ROR1: variants seen among roughly 807,000 people sequenced by gnomAD.
ROR1 encodes the protein ROR family WNT receptor 1, also known as inactive tyrosine-protein kinase transmembrane receptor ROR1.
ROR1 carries 19 observed loss-of-function variants against 78.8 expected under a neutral mutation model. The observed-to-expected ratio is 0.24, with a 90% CI of 0.17 to 0.35. The LOEUF (loss-of-function observed/expected upper bound fraction) is 0.35. Among genes scored for constraint, ROR1 ranks in the 10% least tolerant of loss-of-function variants. The pLI is 1.00. For synonymous variants in ROR1, 386 were observed against 433.6 expected, an observed-to-expected ratio of 0.89 and a Z score of 1.36; for missense variants, 917 against 1,177.8, an observed-to-expected ratio of 0.78 and a Z score of 3.24.
At chr1:63,943,748 A>G (rs1385395381) in intron 1 of ROR1, among the ~76,000 whole-genome samples, 1 of 152,206 alleles carries the variant, frequency 6.6e-6, no homozygotes, top group Non-Finnish European at 1.5e-5. Context: ...CTTGTGATTT[A>G]TTATTGTTCT....
At chr1:63,842,682 CT>C (rs575879991) in intron 1 of ROR1, among the ~76,000 whole-genome samples, 113 of 146,326 alleles carry the variant, frequency 7.7e-4, no homozygotes, top group Admixed American at 1.1e-3. Flanking sequence ...TTTGCTCCTT[CT>C]TTTTTTTTTT....
chr1:63,915,289 T>C (rs977463087), intron 1 of ROR1, among the ~76,000 whole-genome samples: 5 of 152,172 alleles, frequency 3.3e-5, no homozygotes, highest in African/African-American at 4.8e-5. Context: ...CTGTTAAAGC[T>C]TCTAATCTGG....
At chr1:63,863,219 A>C (rs2100347949) in intron 1 of ROR1, among the ~76,000 whole-genome samples, 1 of 152,334 alleles carries the variant, frequency 6.6e-6, no homozygotes, top group South Asian at 2.1e-4. Flanking sequence ...AGAAGCAAAG[A>C]ACACTATCAC....
chr1:63,963,678 T>C lies in ROR1; in HGVS notation c.92-45627T>C, dbSNP rs886876841. ...GCTTTCCAGTGTAAGAAAAGCTACA[T>C]TTCCCAGGCTCCTTTACGGATAGGT... On this transcript the variant is annotated intron_variant, in intron 1 of 8. Coordinates refer to ENST00000371079, the MANE Select transcript of ROR1 (RefSeq NM_005012.4). Among the ~76,000 whole-genome samples, 7 of 152,238 alleles carry C rather than the reference T, an allele frequency of 4.6e-5. No individual in the cohort carries two copies. The East Asian group carries it at 5.8e-4, about 13-fold the overall frequency.
intron 2 of ROR1, among the ~76,000 whole-genome samples, chr1:64,043,290 T>C (rs1646759093): frequency 6.6e-6 from 1 of 152,202 alleles, no homozygotes; most frequent in Non-Finnish European, 1.5e-5. Flanking sequence ...CAAAGCTAAT[T>C]TGCCTAAAAT....
intron 1 of ROR1, among the ~76,000 whole-genome samples, chr1:64,005,919 C>T (rs6676360): frequency 0.041 from 6,299 of 152,210 alleles, 435 homozygotes; most frequent in African/African-American, 0.14. Flanking sequence ...GAGAACAAAA[C>T]TCCCCAGAAT....
At chr1:64,045,098 G>T (rs1471530971) in intron 2 of ROR1, among the ~76,000 whole-genome samples, 1 of 152,174 alleles carries the variant, frequency 6.6e-6, no homozygotes, top group Non-Finnish European at 1.5e-5. Flanking sequence ...TTATTGATAT[G>T]ATTTCAGATT....
intron 4 of ROR1, among the ~76,000 whole-genome samples, chr1:64,100,527 C>T (rs1284707048): frequency 3.9e-5 from 6 of 151,934 alleles, no homozygotes; most frequent in Non-Finnish European, 8.8e-5. Flanking sequence ...AGTAATATCC[C>T]CAAATGTTAA....
chr1:63,926,487 T>C (rs1645705327), intron 1 of ROR1, among the ~76,000 whole-genome samples: 1 of 151,976 alleles, frequency 6.6e-6, no homozygotes, highest in Non-Finnish European at 1.5e-5. Context: ...GACTTGGCGA[T>C]GCGGGCTCTT....
chr1:63,850,518 C>T (rs901327466), intron 1 of ROR1, among the ~76,000 whole-genome samples: 2 of 152,160 alleles, frequency 1.3e-5, no homozygotes, highest in African/African-American at 2.4e-5. Flanking sequence ...CCCTTTCTAA[C>T]TCTTGATATT....
At chr1:63,963,262 TTC>T (rs1280916015) in intron 1 of ROR1, among the ~76,000 whole-genome samples, 1 of 152,154 alleles carries the variant, frequency 6.6e-6, no homozygotes, top group Non-Finnish European at 1.5e-5. Flanking sequence ...TAATATCTAT[TTC>T]TCTTTTAGAA....
At chr1:64,095,557 G>T (rs1472972800) in intron 4 of ROR1, among the ~76,000 whole-genome samples, 3 of 152,126 alleles carry the variant, frequency 2.0e-5, no homozygotes, top group African/African-American at 7.2e-5. Flanking sequence ...AGGTTCCTGG[G>T]TGCCATAACA....
intron 4 of ROR1, among the ~76,000 whole-genome samples, chr1:64,076,322 C>A (rs1293614430): frequency 6.6e-6 from 1 of 152,132 alleles, no homozygotes; most frequent in East Asian, 1.9e-4. Context: ...ACACACAAAG[C>A]TAAGGGCAAA....
chr1:63,924,376 A>T (rs1176181260), intron 1 of ROR1, among the ~76,000 whole-genome samples: 1 of 152,160 alleles, frequency 6.6e-6, no homozygotes, highest in African/African-American at 2.4e-5. Context: ...ATTTTTTATT[A>T]TATATTAAAA....
chr1:64,017,515 C>T (rs923687675), intron 2 of ROR1, among the ~76,000 whole-genome samples: 2 of 152,106 alleles, frequency 1.3e-5, no homozygotes, highest in Non-Finnish European at 2.9e-5. Flanking sequence ...TTCTTCAAAA[C>T]CTGCTCAAAG....
At chr1:63,781,268 C>A (rs530089096) in intron 1 of ROR1, among the ~76,000 whole-genome samples, 12 of 152,264 alleles carry the variant, frequency 7.9e-5, no homozygotes, top group African/African-American at 2.9e-4. Context: ...TTTTTGAGCA[C>A]CTGCTATATG....
chr1:64,067,655 C>G (rs1646968285), intron 4 of ROR1, among the ~76,000 whole-genome samples: 1 of 150,066 alleles, frequency 6.7e-6, no homozygotes, highest in Non-Finnish European at 1.5e-5. Context: ...ATTGAATTGA[C>G]TTTGAACCAC....
rs1234776660 is a variant in ROR1, at chr1:64,158,722, G to GACCCAC, written c.1175-256_1175-251dup. On this transcript the variant is annotated intron_variant, in intron 7 of 8. Coordinates refer to ENST00000371079, the MANE Select transcript of ROR1 (RefSeq NM_005012.4). ...CTAAAGAGAGGCAACATCAGAGGAG[G>GACCCAC]ACCCACACACGTACAAAGTCTTCAT... Among the ~76,000 whole-genome samples, 3 of 152,274 alleles carry GACCCAC rather than the reference G, an allele frequency of 2.0e-5. No individual in the cohort carries two copies. In the South Asian group the frequency reaches 6.2e-4, roughly 32 times the overall value.
intron 1 of ROR1, among the ~76,000 whole-genome samples, chr1:64,007,956 CTTT>C (rs74261212): frequency 0.67 from 91,958 of 137,696 alleles, 33,730 homozygotes; most frequent in East Asian, 0.93. Flanking sequence ...TGCCCTTGTT[CTTT>C]TTTTTTTTTT....
Sources: allele counts gnomAD v4.1 joint callset (sites outside exome capture counted in the v4.1 genomes callset), GRCh38; gene constraint gnomAD v4.1.1; transcripts MANE v1.5; gene names NCBI Gene and HGNC (gene_info 2026-07-23, HGNC 2026-07-21).